The following LRCH3 variants were observed in gnomAD, a reference collection of about 807,000 sequenced individuals.
LRCH3 encodes DISP complex protein LRCH3.
LRCH3 carries 68 observed loss-of-function variants against 104.5 expected under a neutral mutation model. The observed-to-expected ratio is 0.65, with a 90% CI of 0.54 to 0.80. The LOEUF (loss-of-function observed/expected upper bound fraction) is 0.80, where lower values mean the gene tolerates loss of function less well. Ranked by LOEUF, LRCH3 falls within the 30% of genes least tolerant of loss-of-function variation. The pLI is 0.00. For missense variants in LRCH3, 951 were observed against 953.9 expected (o/e 1.00, Z 0.04); for synonymous variants, 344 against 361.3 (o/e 0.95, Z 0.54).
chr3:197,811,519 T>G (rs1733121933), intron 1 of LRCH3, among the ~76,000 whole-genome samples: 1 of 152,244 alleles, frequency 6.6e-6, no homozygotes, highest in Admixed American at 6.5e-5. Context: ...ATGGGCTGAT[T>G]GGGTAAGGAT....
At chr3:197,833,287 A>G (rs1158659649) in intron 8 of LRCH3, among the ~76,000 whole-genome samples, 1 of 133,982 alleles carries the variant, frequency 7.5e-6, no homozygotes, top group Non-Finnish European at 1.5e-5. Context: ...TGGGAGGTTG[A>G]GGCGGGTGGA....
intron 10 of LRCH3, among the ~76,000 whole-genome samples, chr3:197,840,020 A>G (rs1470313332): frequency 1.3e-5 from 2 of 152,046 alleles, no homozygotes; most frequent in Non-Finnish European, 2.9e-5. Context: ...CGAGAGTTCT[A>G]ATTTTTTTTA....
intron 10 of LRCH3, among the ~76,000 whole-genome samples, chr3:197,846,065 T>G (rs1738634630): frequency 6.6e-6 from 1 of 152,010 alleles, no homozygotes; most frequent in South Asian, 2.1e-4. Flanking sequence ...ACAGTGAAAT[T>G]AGTAATCTAG....
intron 10 of LRCH3, among the ~76,000 whole-genome samples, chr3:197,842,660 A>G (rs574631133): frequency 2.6e-5 from 4 of 152,256 alleles, no homozygotes; most frequent in South Asian, 2.1e-4. Flanking sequence ...AGTCTACCCT[A>G]CTGGGAGATC....
intron 19 of LRCH3, among the ~76,000 whole-genome samples, chr3:197,874,600 C>A (rs1028952322): frequency 1.3e-5 from 2 of 152,180 alleles, no homozygotes; most frequent in Non-Finnish European, 2.9e-5. Context: ...AACCATCCCC[C>A]CCAGCTCCAG....
At chr3:197,829,768 A>T (rs1464845739) in intron 6 of LRCH3, 95 bp downstream of exon 6, 2 of 815,156 alleles carry the variant, frequency 2.5e-6, no homozygotes, top group Non-Finnish European at 3.9e-6. Context: ...GACTAAAGGG[A>T]AATAACCTGT....
intron 15 of LRCH3, among the ~76,000 whole-genome samples, chr3:197,859,690 C>A (rs1233145308): frequency 6.6e-6 from 1 of 152,150 alleles, no homozygotes; most frequent in Non-Finnish European, 1.5e-5. Context: ...GTCTAACTTA[C>A]AACTGTCCTG....
At chr3:197,861,133 C>T (rs1256690939) in intron 15 of LRCH3, among the ~76,000 whole-genome samples, 5 of 152,024 alleles carry the variant, frequency 3.3e-5, no homozygotes, top group Non-Finnish European at 5.9e-5. Context: ...CCACCAAGCC[C>T]GGCTAATAAC....
chr3:197,882,094 A>AG (rs34697865), intron 20 of LRCH3: 2 of 985,400 alleles, frequency 2.0e-6, no homozygotes, highest in Non-Finnish European at 2.4e-6. Flanking sequence ...CATGTGGTTT[A>AG]GGGGTTGTAA....
At chr3:197,821,055 A>G (rs1734438431) in intron 4 of LRCH3, among the ~76,000 whole-genome samples, 1 of 152,198 alleles carries the variant, frequency 6.6e-6, no homozygotes, top group Non-Finnish European at 1.5e-5. Flanking sequence ...GGTCCCTGGA[A>G]ATTTCAGTAA....
At chr3:197,865,978 G>T (rs967551342) in intron 16 of LRCH3, 134 bp from the exon 17 acceptor site, 1 of 660,582 alleles carries the variant, frequency 1.5e-6, no homozygotes, top group African/African-American at 1.8e-5. Flanking sequence ...TTCTGTACCA[G>T]ACTTTTCATC....
chr3:197,833,543 A>G (rs116529016), intron 8 of LRCH3, among the ~76,000 whole-genome samples: 28 of 152,218 alleles, frequency 1.8e-4, no homozygotes, highest in African/African-American at 6.0e-4. Flanking sequence ...ATCTCGAAAA[A>G]AAATCAGAAA....
At chr3:197,878,816 G>A (rs930895357) in intron 20 of LRCH3, among the ~76,000 whole-genome samples, 1 of 152,218 alleles carries the variant, frequency 6.6e-6, no homozygotes, top group Non-Finnish European at 1.5e-5. Flanking sequence ...TGGTCTCCAG[G>A]TCATTCTGGC....
intron 9 of LRCH3, among the ~76,000 whole-genome samples, chr3:197,836,687 CT>C (rs1449846759): frequency 6.6e-6 from 1 of 152,146 alleles, no homozygotes; most frequent in Non-Finnish European, 1.5e-5. Flanking sequence ...TATTATCATT[CT>C]TTATTTAATG....
rs1164188122 is a variant in LRCH3, at chr3:197,865,455, A to G, written c.1749A>G (p.Ser583=). The part of the protein sequence containing the change: ...SDDRPNALLS[S]PATETVHHSP... ...ACAGACCTAATGCTCTATTAAGTTC[A>G]CCTGCAACAGAAACAGGTAATAGAC... Residue 583 remains serine, a synonymous_variant, in exon 16 of 21, where the codon TCA becomes TCG. Transcript: ENST00000425562. 6.4e-7 allele frequency: 1 copy of G among 1,555,064 alleles called. No individual in the cohort carries two copies. The highest frequency in any genetic ancestry group is 8.7e-7 in the Non-Finnish European group (1 of 1,151,458).
chr3:197,868,706 C>T (rs935672586), intron 17 of LRCH3, among the ~76,000 whole-genome samples: 3 of 152,176 alleles, frequency 2.0e-5, no homozygotes, highest in Non-Finnish European at 4.4e-5. Flanking sequence ...ATCTCATAAA[C>T]TTACCATTGA....
chr3:197,850,715 T>C lies in LRCH3; in HGVS notation c.1531-1846T>C, dbSNP rs570233750. 4.5e-5 allele frequency: 63 copies of C among 1,405,298 alleles called. No individual in the cohort carries two copies. In the African/African-American group the frequency reaches 8.2e-4, roughly 18 times the overall value. The allele number at this position is 1,405,298 out of a possible 1,614,324, so 87.1% of individuals were successfully genotyped here. ...CAGCACTCTTTCTGGGCCACCGACC[T>C]TGTGTCCAGCCCCACTGCTTGGCCT... On this transcript the variant is annotated intron_variant, in intron 12 of 20. Transcript: ENST00000425562.
At chr3:197,881,872 C>A in intron 20 of LRCH3, 1 of 985,404 alleles carries the variant, frequency 1.0e-6, no homozygotes, top group African/African-American at 1.7e-5. Context: ...GAGGGGCTCA[C>A]TGGTTTGGTT....
At position 197,873,508 on chromosome 3, in the gene LRCH3, A is replaced by T. The variant is rs183678739; in HGVS notation, c.2130+2046A>T. Reference sequence around the variant, plus strand: ...GGATCAAGCTGAAGCTGAGAAGGAGACAAGCAGGAGGATCACCTGTGGCTG... The same window carrying T: ...GGATCAAGCTGAAGCTGAGAAGGAGTCAAGCAGGAGGATCACCTGTGGCTG... On this transcript the variant is annotated intron_variant, in intron 19 of 20. Transcript: ENST00000425562. Among the ~76,000 whole-genome samples the T allele has an allele frequency of 1.5e-3, 230 of 152,168 alleles. 1 individual carries two copies. The highest frequency in any genetic ancestry group is 3.4e-3 in the Middle Eastern group (1 of 294).
Sources: allele counts gnomAD v4.1 joint callset (sites outside exome capture counted in the v4.1 genomes callset), GRCh38; gene constraint gnomAD v4.1.1; transcripts MANE v1.5; gene names NCBI Gene and HGNC (gene_info 2026-07-23, HGNC 2026-07-21).